Variants in GDPD5 observed in about 807,000 individuals in gnomAD.
GDPD5 encodes glycerophosphodiester phosphodiesterase 2.
GDPD5 carries 48 observed loss-of-function variants against 75.1 expected under a neutral mutation model. The observed-to-expected ratio is 0.64, with a 90% CI of 0.51 to 0.81. GDPD5 has a LOEUF of 0.81. Among genes scored for constraint, GDPD5 ranks in the 40% least tolerant of loss-of-function variants. The pLI is 0.00. For synonymous variants in GDPD5, 336 were observed against 339.0 expected (o/e 0.99, Z 0.10); for missense variants, 706 against 822.6 (o/e 0.86, Z 1.73).
chr11:75,455,176 C>T (rs1207489304), intron 6 of GDPD5: 2 of 400,546 alleles, frequency 5.0e-6, no homozygotes, highest in Non-Finnish European at 1.0e-5. Flanking sequence ...TAGGCCTCTC[C>T]ACTAGAATCA....
chr11:75,459,140 A>C (rs749153981), intron 4 of GDPD5, among the ~76,000 whole-genome samples: 2 of 152,230 alleles, frequency 1.3e-5, no homozygotes, highest in African/African-American at 4.8e-5. Context: ...GATTTTTAAA[A>C]TAGCCACGTG....
At chr11:75,471,632 G>C (rs1360501492) in intron 3 of GDPD5, among the ~76,000 whole-genome samples, 1 of 152,172 alleles carries the variant, frequency 6.6e-6, no homozygotes, top group Non-Finnish European at 1.5e-5. Context: ...CCACGTCACA[G>C]GGTGGGTGGT....
At chr11:75,446,725 C>A (rs1948995468) in intron 9 of GDPD5, among the ~76,000 whole-genome samples, 1 of 152,118 alleles carries the variant, frequency 6.6e-6, no homozygotes, top group Admixed American at 6.5e-5. Flanking sequence ...GTCAGAGCCC[C>A]CCAAGGCAAT....
Position 75,441,690 on chromosome 11 carries a change from C to T in GDPD5, c.1281G>A (p.Gln427=). The T allele has an allele frequency of 6.2e-7, 1 of 1,608,098 alleles. No individual in the cohort carries two copies. Among genetic ancestry groups the T allele is most frequent in the Non-Finnish European group, 8.5e-7 (1 of 1,178,168 alleles). ...AVASLRRGHI[Q]RLNLRYTQVS... ...CCTGAGTGTAGCGCAGGTTCAGCCG[C>T]TGGATGTGGCCTCTCCGCAGGCTGG... The change falls in exon 13 of 17, where the codon CAG becomes CAA. Residue 427 remains glutamine (Q), a synonymous_variant. Coordinates refer to ENST00000336898, the MANE Select transcript of GDPD5 (RefSeq NM_030792.8).
At chr11:75,512,608 G>C (rs1410260378) in intron 1 of GDPD5, among the ~76,000 whole-genome samples, 3 of 152,174 alleles carry the variant, frequency 2.0e-5, no homozygotes, top group Non-Finnish European at 4.4e-5. Context: ...TTTTTAATGG[G>C]ATAGAGAGCA....
At chr11:75,502,447 C>G (rs1298377012) in intron 1 of GDPD5, among the ~76,000 whole-genome samples, 2 of 152,240 alleles carry the variant, frequency 1.3e-5, no homozygotes, top group Non-Finnish European at 1.5e-5. Flanking sequence ...TTGGCTTTAT[C>G]TAGCTACCAT....
At chr11:75,515,823 T>C (rs1318109952) in intron 1 of GDPD5, among the ~76,000 whole-genome samples, 1 of 152,180 alleles carries the variant, frequency 6.6e-6, no homozygotes, top group Non-Finnish European at 1.5e-5. Flanking sequence ...TAGCTTACTT[T>C]GGTGGAGGAG....
chr11:75,504,188 G>C (rs1272409259), intron 1 of GDPD5, among the ~76,000 whole-genome samples: 1 of 152,238 alleles, frequency 6.6e-6, no homozygotes, highest in Non-Finnish European at 1.5e-5. Flanking sequence ...GTCCCTAGAG[G>C]GAAAGCGGAA....
intron 2 of GDPD5, among the ~76,000 whole-genome samples, chr11:75,486,824 C>A (rs1950028798): frequency 1.3e-5 from 2 of 152,014 alleles, no homozygotes; most frequent in Non-Finnish European, 2.9e-5. Context: ...GAGATCTATG[C>A]AGAATTCAGA....
In GDPD5 at chr11:75,497,719, T is replaced by G. The variant is rs114681808; in HGVS notation, c.-144-7399A>C. 5.1e-3 allele frequency among the ~76,000 whole-genome samples: 780 copies of G among 152,348 alleles called. 6 individuals are homozygous for G. Among genetic ancestry groups the G allele is most frequent in the African/African-American group, 0.018 (749 of 41,584 alleles). On this transcript the variant is annotated intron_variant, in intron 1 of 16. Transcript: ENST00000336898. The stretch of plus-strand genomic sequence containing the variant: ...AGCAGTGACTGACCACTTCGGTGCC[T>G]GGCTCAGTTCATCCTGACCACTGGG...
At chr11:75,448,506 A>T (rs488305) in intron 9 of GDPD5, 225 of 985,576 alleles carry the variant, frequency 2.3e-4, no homozygotes, top group Middle Eastern at 5.1e-4. Context: ...GCTCTCCTGC[A>T]GGGCTATGGA....
At chr11:75,519,091 G>A (rs1386523004) in intron 1 of GDPD5, among the ~76,000 whole-genome samples, 4 of 152,100 alleles carry the variant, frequency 2.6e-5, no homozygotes, top group East Asian at 1.9e-4. Flanking sequence ...CTGCCTTTCC[G>A]CCTTCCTCAT....
At chr11:75,484,016 G>A (rs532231768) in intron 2 of GDPD5, among the ~76,000 whole-genome samples, 18 of 152,060 alleles carry the variant, frequency 1.2e-4, no homozygotes, top group Admixed American at 3.9e-4. Context: ...GTGAAACCCC[G>A]TCCCTACTAA....
intron 10 of GDPD5, 117 bp from the exon 11 acceptor site, chr11:75,443,403 C>T (rs1446889978): frequency 6.5e-5 from 81 of 1,238,976 alleles, no homozygotes; most frequent in Non-Finnish European, 9.1e-5. Flanking sequence ...CTGGCTCTGC[C>T]CCTCTCTGGG....
At chr11:75,449,725 TG>T in intron 7 of GDPD5, 115 bp from the exon 8 acceptor site, 1 of 1,273,880 alleles carries the variant, frequency 7.9e-7, no homozygotes, top group Non-Finnish European at 1.1e-6. Context: ...ATCTGCCAAC[TG>T]GGGACACTGG....
chr11:75,450,217 C>A (rs1949104004), intron 6 of GDPD5, among the ~76,000 whole-genome samples: 1 of 151,922 alleles, frequency 6.6e-6, no homozygotes, highest in Non-Finnish European at 1.5e-5. Flanking sequence ...GCAGACCCAG[C>A]GAGGAAGGGA....
intron 2 of GDPD5, among the ~76,000 whole-genome samples, chr11:75,481,795 G>A (rs1343891375): frequency 6.6e-6 from 1 of 152,044 alleles, no homozygotes; most frequent in African/African-American, 2.4e-5. Context: ...AGGAAGGGAG[G>A]AGGCGGGTGC....
intron 3 of GDPD5, among the ~76,000 whole-genome samples, chr11:75,473,720 G>A (rs948161579): frequency 3.3e-5 from 5 of 152,150 alleles, no homozygotes; most frequent in Admixed American, 6.5e-5. Flanking sequence ...CACCTGAGCC[G>A]GTGGACTGAA....
intron 4 of GDPD5, among the ~76,000 whole-genome samples, chr11:75,459,175 T>C (rs2135278240): frequency 6.6e-6 from 1 of 152,338 alleles, no homozygotes; most frequent in Middle Eastern, 3.4e-3. Context: ...TAATGTACCA[T>C]ATGTAGCCAG....
Sources: gnomAD v4.1 joint callset for allele counts (sites outside exome capture counted in the v4.1 genomes callset) on GRCh38, gnomAD v4.1.1 for gene constraint, MANE v1.5 for transcripts, NCBI Gene and HGNC (gene_info 2026-07-23, HGNC 2026-07-21) for gene names.